MAST4: variants seen among roughly 807,000 people sequenced by gnomAD.
MAST4 encodes the protein microtubule-associated serine/threonine-protein kinase 4.
In MAST4, 89 loss-of-function variants were observed where a neutral mutation model predicts 162.7. That is an observed-to-expected ratio of 0.55 (90% CI 0.46 to 0.65). MAST4 has a LOEUF of 0.65. Among genes scored for constraint, MAST4 ranks in the 30% least tolerant of loss-of-function variants. MAST4 has a pLI of 0.00. For missense variants in MAST4, 3,153 were observed against 3,374.0 expected, an observed-to-expected ratio of 0.93 and a Z score of 1.62; for synonymous variants, 1,479 against 1,361.1, an observed-to-expected ratio of 1.09 and a Z score of -1.91.
At chr5:66,834,443 G>A (rs948051488) in intron 3 of MAST4, among the ~76,000 whole-genome samples, 2 of 152,172 alleles carry the variant, frequency 1.3e-5, no homozygotes, top group African/African-American at 2.4e-5. Context: ...ATTAGCAGAA[G>A]CCAGCTTAGA....
chr5:66,750,193 G>A (rs1205598222), intron 1 of MAST4, among the ~76,000 whole-genome samples: 1 of 152,134 alleles, frequency 6.6e-6, no homozygotes, highest in Admixed American at 6.5e-5. Flanking sequence ...CTCTCATTAT[G>A]TATGCAGATG....
At chr5:66,698,100 C>T (rs1749525137) in intron 1 of MAST4, among the ~76,000 whole-genome samples, 1 of 151,804 alleles carries the variant, frequency 6.6e-6, no homozygotes, top group Non-Finnish European at 1.5e-5. Flanking sequence ...GCCTGGCTTC[C>T]CTCCTAACCC....
intron 4 of MAST4, among the ~76,000 whole-genome samples, chr5:66,919,850 C>T (rs1038694338): frequency 1.3e-5 from 2 of 151,950 alleles, no homozygotes; most frequent in African/African-American, 4.8e-5. Context: ...TTTGTTGGAA[C>T]ATTTTCTTTT....
chr5:66,794,833 ATGT>A (rs1174163868), intron 3 of MAST4, among the ~76,000 whole-genome samples: 4 of 152,314 alleles, frequency 2.6e-5, no homozygotes, highest in Middle Eastern at 6.8e-3. Flanking sequence ...ACATTTCATG[ATGT>A]TCTATAAATA....
At chr5:67,131,314 G>A (rs1378658185) in intron 15 of MAST4, among the ~76,000 whole-genome samples, 1 of 152,118 alleles carries the variant, frequency 6.6e-6, no homozygotes, top group Non-Finnish European at 1.5e-5. Context: ...TGTGATATGT[G>A]TTGGGCAGTA....
intron 6 of MAST4, among the ~76,000 whole-genome samples, chr5:67,091,368 G>A (rs747051837): frequency 6.6e-6 from 1 of 152,086 alleles, no homozygotes; most frequent in Admixed American, 6.5e-5. Context: ...ATCTCACCAT[G>A]GGGACAATAC....
At chr5:67,006,775 T>C (rs1752091074) in intron 4 of MAST4, among the ~76,000 whole-genome samples, 1 of 152,080 alleles carries the variant, frequency 6.6e-6, no homozygotes, top group Admixed American at 6.5e-5. Context: ...GCCTGAACAC[T>C]CCAATTCAGA....
intron 5 of MAST4, among the ~76,000 whole-genome samples, chr5:67,065,811 C>G (rs538097467): frequency 6.6e-6 from 1 of 152,128 alleles, no homozygotes; most frequent in African/African-American, 2.4e-5. Flanking sequence ...CTGACTACAG[C>G]AATGTATGAG....
chr5:66,919,819 C>G (rs1764374695), intron 4 of MAST4, among the ~76,000 whole-genome samples: 1 of 152,136 alleles, frequency 6.6e-6, no homozygotes, highest in Non-Finnish European at 1.5e-5. Flanking sequence ...AACTGGATGT[C>G]ATGATTGAAA....
chr5:66,764,331 C>T (rs1753987888), intron 2 of MAST4, among the ~76,000 whole-genome samples: 1 of 152,192 alleles, frequency 6.6e-6, no homozygotes, highest in African/African-American at 2.4e-5. Flanking sequence ...TGTACAGGCA[C>T]ATTTCAAGGT....
At chr5:66,932,213 T>C (rs943234548) in intron 4 of MAST4, among the ~76,000 whole-genome samples, 2 of 152,146 alleles carry the variant, frequency 1.3e-5, no homozygotes, top group Non-Finnish European at 2.9e-5. Flanking sequence ...CAAAACCTTA[T>C]CAGTTTATAT....
intron 3 of MAST4, among the ~76,000 whole-genome samples, chr5:66,813,151 A>G (rs1756555843): frequency 6.6e-6 from 1 of 152,226 alleles, no homozygotes; most frequent in African/African-American, 2.4e-5. Context: ...ATCTTGCTCA[A>G]TATATAGTTA....
At chr5:66,876,589 C>T (rs1391958243) in intron 3 of MAST4, among the ~76,000 whole-genome samples, 1 of 152,088 alleles carries the variant, frequency 6.6e-6, no homozygotes, top group Non-Finnish European at 1.5e-5. Context: ...CCATGTACCT[C>T]ATTAGGAATG....
Position 66,905,521 on chromosome 5 carries a change from A to G in MAST4, c.674+5539A>G, listed in dbSNP as rs560472768. 6.6e-5 allele frequency among the ~76,000 whole-genome samples: 10 copies of G among 152,276 alleles called. No individual in the cohort carries two copies. In the South Asian group the frequency reaches 2.1e-3, roughly 32 times the overall value. On this transcript the variant is annotated intron_variant, in intron 4 of 28. Coordinates refer to ENST00000403625, the MANE Select transcript of MAST4 (RefSeq NM_001164664.2). Reference sequence around the variant, plus strand: ...CTAGCAGCTGGTAACAGTATTCCTCATTATAGAGTTTGTCAATGAAAGAGT... The same window carrying G: ...CTAGCAGCTGGTAACAGTATTCCTCGTTATAGAGTTTGTCAATGAAAGAGT...
intron 1 of MAST4, among the ~76,000 whole-genome samples, chr5:66,597,325 C>G (rs1207342109): frequency 6.6e-6 from 1 of 152,254 alleles, no homozygotes; most frequent in African/African-American, 2.4e-5. Context: ...AGGATGCGAT[C>G]TGGACATCTG....
At chr5:66,868,667 T>C (rs1760712392) in intron 3 of MAST4, among the ~76,000 whole-genome samples, 2 of 152,152 alleles carry the variant, frequency 1.3e-5, no homozygotes, top group South Asian at 4.1e-4. Context: ...CTTCCTTGTT[T>C]CTATGAAGAT....
At chr5:66,863,503 C>T (rs1167300925) in intron 3 of MAST4, among the ~76,000 whole-genome samples, 2 of 152,148 alleles carry the variant, frequency 1.3e-5, no homozygotes, top group African/African-American at 4.8e-5. Flanking sequence ...ATGTCTCCCT[C>T]CTCCTTGTTT....
intron 4 of MAST4, among the ~76,000 whole-genome samples, chr5:66,975,987 G>A (rs1211961662): frequency 6.6e-6 from 1 of 152,028 alleles, no homozygotes; most frequent in Non-Finnish European, 1.5e-5. Flanking sequence ...GACAGAGCTA[G>A]ACTCCATCTA....
In MAST4 at chr5:66,911,522, C is replaced by T. The variant is rs115533310; in HGVS notation, c.674+11540C>T. On this transcript the variant is annotated intron_variant, in intron 4 of 28. Coordinates refer to ENST00000403625, the MANE Select transcript of MAST4 (RefSeq NM_001164664.2). Reference sequence around the variant, plus strand: ...TTGGAAACCAGCCTGGGCAAAATAACGAGACCCTGTCTCTACAAACAAACA... The same window carrying T: ...TTGGAAACCAGCCTGGGCAAAATAATGAGACCCTGTCTCTACAAACAAACA... Among the ~76,000 whole-genome samples, 322 of 135,692 alleles carry T rather than the reference C, an allele frequency of 2.4e-3. 4 individuals are homozygous for T. Among genetic ancestry groups the T allele is most frequent in the African/African-American group, 8.5e-3 (310 of 36,656 alleles). 89.0% of individuals were successfully genotyped at this position (135,692 alleles called of 152,430 possible). A position where few individuals can be genotyped will look rare whatever the true frequency, so the allele number is the denominator to read the frequency against.
Sources: gnomAD v4.1 joint callset for allele counts (sites outside exome capture counted in the v4.1 genomes callset) on GRCh38, gnomAD v4.1.1 for gene constraint, MANE v1.5 for transcripts, NCBI Gene and HGNC (gene_info 2026-07-23, HGNC 2026-07-21) for gene names.